KCNIP4: variants seen among roughly 807,000 people sequenced by gnomAD.
KCNIP4 encodes Kv channel-interacting protein 4.
In KCNIP4, 12 loss-of-function variants were observed where a neutral mutation model predicts 34.0. The observed-to-expected ratio is 0.35, with a 90% confidence interval of 0.23 to 0.57. KCNIP4 has a LOEUF of 0.57. KCNIP4 is among the 20% of genes least tolerant of loss of function. The pLI is 0.83. For missense variants in KCNIP4, 238 were observed against 311.7 expected (o/e 0.76, Z 1.78); for synonymous variants, 124 against 102.2 (o/e 1.21, Z -1.29).
intron 1 of KCNIP4, among the ~76,000 whole-genome samples, chr4:21,662,897 T>C (rs1016362676): frequency 4.6e-5 from 7 of 152,236 alleles, no homozygotes; most frequent in Non-Finnish European, 8.8e-5. Context: ...AGGGTTATTT[T>C]ACAAAGAAAA....
intron 1 of KCNIP4, among the ~76,000 whole-genome samples, chr4:21,359,181 GAACA>G (rs1718965795): frequency 6.6e-6 from 1 of 151,994 alleles, no homozygotes; most frequent in African/African-American, 2.4e-5. Flanking sequence ...GGCCTGAGTG[GAACA>G]AAAGGTAAAG....
At chr4:21,588,723 T>C (rs1026291567) in intron 1 of KCNIP4, among the ~76,000 whole-genome samples, 8 of 151,940 alleles carry the variant, frequency 5.3e-5, no homozygotes, top group South Asian at 2.1e-4. Flanking sequence ...CTAACTGTAA[T>C]TGAAATCTAC....
intron 1 of KCNIP4, among the ~76,000 whole-genome samples, chr4:21,304,292 C>T (rs1712177600): frequency 6.6e-6 from 1 of 152,162 alleles, no homozygotes; most frequent in Non-Finnish European, 1.5e-5. Flanking sequence ...ATCACTCTTG[C>T]ACAGAGAGAC....
intron 1 of KCNIP4, among the ~76,000 whole-genome samples, chr4:21,711,386 C>A (rs1256418819): frequency 6.6e-6 from 1 of 152,070 alleles, no homozygotes; most frequent in African/African-American, 2.4e-5. Context: ...GCAGGAGAAT[C>A]GCTTGAACCT....
intron 2 of KCNIP4, among the ~76,000 whole-genome samples, chr4:20,858,076 T>C (rs1223250419): frequency 6.6e-6 from 1 of 151,310 alleles, no homozygotes; most frequent in African/African-American, 2.4e-5. Flanking sequence ...GCGGGTGTTG[T>C]GGTGGGTGCC....
At chr4:21,809,195 A>C (rs78155066) in intron 1 of KCNIP4, among the ~76,000 whole-genome samples, 6,663 of 152,220 alleles carry the variant, frequency 0.044, 186 homozygotes, top group Middle Eastern at 0.078. Flanking sequence ...GTAGGCATTA[A>C]TCATTCCATT....
intron 1 of KCNIP4, among the ~76,000 whole-genome samples, chr4:21,477,556 C>T (rs555161933): frequency 6.6e-6 from 1 of 152,264 alleles, no homozygotes; most frequent in African/African-American, 2.4e-5. Context: ...GGGGCAAAAT[C>T]AGTAGCCTTG....
chr4:21,319,783 A>G (rs1047242119), intron 1 of KCNIP4, among the ~76,000 whole-genome samples: 3 of 152,210 alleles, frequency 2.0e-5, no homozygotes, highest in Non-Finnish European at 2.9e-5. Flanking sequence ...CCACAAAAAC[A>G]GAATCCTTTA....
rs992693680 is a variant in KCNIP4, at chr4:21,790,271, G to A, written c.61+158300C>T. On this transcript the variant is annotated intron_variant, in intron 1 of 8. Transcript: ENST00000382152. ...CCATTCAACAATCATTCCCTGATAAGTGTGTTCAATCCTTAAAACAATTTC... is the reference window on the plus strand; with the variant it reads ...CCATTCAACAATCATTCCCTGATAAATGTGTTCAATCCTTAAAACAATTTC... 1.4e-4 allele frequency among the ~76,000 whole-genome samples: 21 copies of A among 152,198 alleles called. 1 individual carries two copies. The highest frequency in any genetic ancestry group is 5.2e-4 in the Admixed American group (8 of 15,290).
intron 1 of KCNIP4, among the ~76,000 whole-genome samples, chr4:21,791,955 T>G (rs1000157037): frequency 2.4e-5 from 3 of 124,816 alleles, no homozygotes; most frequent in African/African-American, 9.4e-5. Flanking sequence ...TGAGCCGAGA[T>G]TGCACCGCTG....
intron 1 of KCNIP4, among the ~76,000 whole-genome samples, chr4:21,088,163 A>T (rs1746642217): frequency 6.6e-6 from 1 of 152,082 alleles, no homozygotes; most frequent in South Asian, 2.1e-4. Context: ...ACCATAATTT[A>T]CCTCATTGTT....
chr4:21,394,900 T>C (rs1046709365), intron 1 of KCNIP4, among the ~76,000 whole-genome samples: 4 of 152,196 alleles, frequency 2.6e-5, no homozygotes, highest in African/African-American at 9.6e-5. Context: ...TGGCATTCTT[T>C]TATTACATTT....
chr4:21,837,647 T>A (rs1308476881), intron 1 of KCNIP4, among the ~76,000 whole-genome samples: 1 of 151,770 alleles, frequency 6.6e-6, no homozygotes, highest in Admixed American at 6.6e-5. Flanking sequence ...CATAGGCTGT[T>A]TCTTTCTCTC....
intron 3 of KCNIP4, among the ~76,000 whole-genome samples, chr4:20,773,070 G>T: frequency 6.6e-6 from 1 of 151,032 alleles, no homozygotes. Flanking sequence ...AGTTTAGTCT[G>T]CTTAATTAAG....
intron 1 of KCNIP4, among the ~76,000 whole-genome samples, chr4:20,887,480 A>G (rs1725436275): frequency 6.6e-6 from 1 of 151,942 alleles, no homozygotes; most frequent in Non-Finnish European, 1.5e-5. Context: ...AAAAATGAAA[A>G]AAGGCTTTAA....
At chr4:21,333,566 C>T (rs1320696914) in intron 1 of KCNIP4, among the ~76,000 whole-genome samples, 1 of 151,890 alleles carries the variant, frequency 6.6e-6, no homozygotes, top group East Asian at 1.9e-4. Flanking sequence ...AATGTAAGTT[C>T]CTGAATCTAA....
chr4:21,113,455 TAAAAAAAA>T (rs56676152), intron 1 of KCNIP4, among the ~76,000 whole-genome samples: 4 of 62,382 alleles, frequency 6.4e-5, no homozygotes, highest in Non-Finnish European at 8.4e-5. Flanking sequence ...TCTATAAGTT[TAAAAAAAA>T]AAAAAAAAAA....
At chr4:20,961,410 TG>T (rs1472770100) in intron 1 of KCNIP4, among the ~76,000 whole-genome samples, 5 of 152,146 alleles carry the variant, frequency 3.3e-5, no homozygotes, top group Non-Finnish European at 5.9e-5. Flanking sequence ...AAGAATCTTA[TG>T]GTTTTGAGAA....
At chr4:21,190,888 C>T (rs1755595048) in intron 1 of KCNIP4, among the ~76,000 whole-genome samples, 1 of 152,096 alleles carries the variant, frequency 6.6e-6, no homozygotes, top group South Asian at 2.1e-4. Context: ...TCAAAGGTTT[C>T]ATAAGGAAAC....
Sources: gnomAD v4.1 joint callset for allele counts (sites outside exome capture counted in the v4.1 genomes callset) on GRCh38, gnomAD v4.1.1 for gene constraint, MANE v1.5 for transcripts, NCBI Gene and HGNC (gene_info 2026-07-23, HGNC 2026-07-21) for gene names.